The following ST6GALNAC5 variants were observed in gnomAD, a reference collection of about 807,000 sequenced individuals.
The protein encoded by ST6GALNAC5 is ST6 N-acetylgalactosaminide alpha-2,6-sialyltransferase 5.
Under a neutral mutation model 33.6 loss-of-function variants are expected in ST6GALNAC5, and 27 were observed. That is an observed-to-expected ratio of 0.80 (90% CI 0.59 to 1.11). The LOEUF is 1.11. ST6GALNAC5 is among the 50% of genes least tolerant of loss of function. ST6GALNAC5 has a pLI of 0.00. For synonymous variants in ST6GALNAC5, 194 were observed against 171.2 expected, an observed-to-expected ratio of 1.13 and a Z score of -1.04; for missense variants, 428 against 454.0, an observed-to-expected ratio of 0.94 and a Z score of 0.52.
At chr1:77,048,418 C>T (rs199542144) in intron 3 of ST6GALNAC5, among the ~76,000 whole-genome samples, 1 of 152,168 alleles carries the variant, frequency 6.6e-6, no homozygotes, top group East Asian at 1.9e-4. Flanking sequence ...AGTGCATTGT[C>T]GCAGCCCATA....
At chr1:77,036,377 T>C (rs2100453840) in intron 2 of ST6GALNAC5, among the ~76,000 whole-genome samples, 1 of 152,352 alleles carries the variant, frequency 6.6e-6, no homozygotes, top group Non-Finnish European at 1.5e-5. Context: ...AAAAAAATTA[T>C]TTTTAATTCA....
chr1:76,914,178 T>G (rs376999248), intron 2 of ST6GALNAC5, among the ~76,000 whole-genome samples: 1 of 152,044 alleles, frequency 6.6e-6, no homozygotes, highest in Non-Finnish European at 1.5e-5. Context: ...CACTGCTCAA[T>G]GAAATCAAAG....
At chr1:76,892,625 CAA>C (rs1654037954) in intron 2 of ST6GALNAC5, among the ~76,000 whole-genome samples, 2 of 152,142 alleles carry the variant, frequency 1.3e-5, no homozygotes, top group African/African-American at 2.4e-5. Flanking sequence ...GGTGGAAAAA[CAA>C]AAGACTCTTC....
intron 2 of ST6GALNAC5, among the ~76,000 whole-genome samples, chr1:76,976,443 A>G (rs858589): frequency 0.024 from 3,615 of 152,184 alleles, 144 homozygotes; most frequent in African/African-American, 0.083. Flanking sequence ...AAAGAACTTG[A>G]AGATTTCCAT....
At chr1:76,930,054 A>G (rs1570682034) in intron 2 of ST6GALNAC5, among the ~76,000 whole-genome samples, 1 of 152,264 alleles carries the variant, frequency 6.6e-6, no homozygotes, top group African/African-American at 2.4e-5. Context: ...TGTGGCTTGC[A>G]TTATTTTGCT....
At chr1:76,882,946 C>T (rs1172392676) in intron 2 of ST6GALNAC5, among the ~76,000 whole-genome samples, 6 of 152,174 alleles carry the variant, frequency 3.9e-5, no homozygotes, top group Non-Finnish European at 7.3e-5. Flanking sequence ...CTAGGCACCA[C>T]GCACCCAGGC....
intron 2 of ST6GALNAC5, among the ~76,000 whole-genome samples, chr1:76,890,511 C>T (rs763991083): frequency 6.6e-6 from 1 of 150,958 alleles, no homozygotes; most frequent in Admixed American, 6.6e-5. Context: ...CCACTGTCTG[C>T]AATGCCCATT....
intron 3 of ST6GALNAC5, among the ~76,000 whole-genome samples, chr1:77,049,565 G>A (rs1243268921): frequency 2.0e-5 from 3 of 152,010 alleles, no homozygotes; most frequent in African/African-American, 4.8e-5. Flanking sequence ...ATGGTGGGGT[G>A]CACCAGTTCA....
At chr1:76,928,664 T>C (rs1340481831) in intron 2 of ST6GALNAC5, among the ~76,000 whole-genome samples, 3 of 152,116 alleles carry the variant, frequency 2.0e-5, no homozygotes, top group Non-Finnish European at 4.4e-5. Context: ...ATTTTGCAAA[T>C]GGGCATGTCT....
At chr1:76,896,632 G>A (rs1654144929) in intron 2 of ST6GALNAC5, among the ~76,000 whole-genome samples, 1 of 152,088 alleles carries the variant, frequency 6.6e-6, no homozygotes, top group Non-Finnish European at 1.5e-5. Flanking sequence ...GGTCAGGTGT[G>A]GTATCAGGAA....
intron 2 of ST6GALNAC5, among the ~76,000 whole-genome samples, chr1:76,956,942 G>A (rs1648024441): frequency 6.6e-6 from 1 of 152,116 alleles, no homozygotes; most frequent in African/African-American, 2.4e-5. Flanking sequence ...ATTGATTGGT[G>A]TATTTTTCTT....
At chr1:77,052,866 C>T (rs1652269694) in intron 4 of ST6GALNAC5, among the ~76,000 whole-genome samples, 1 of 145,550 alleles carries the variant, frequency 6.9e-6, no homozygotes, top group Non-Finnish European at 1.5e-5. Context: ...TGCAGTGAGC[C>T]GAGATCATTC....
At chr1:76,873,736 G>GC (rs1311893590) in intron 2 of ST6GALNAC5, among the ~76,000 whole-genome samples, 1 of 152,198 alleles carries the variant, frequency 6.6e-6, no homozygotes, top group East Asian at 1.9e-4. Flanking sequence ...TGTTTAATAA[G>GC]CTTCCTTTTT....
At chr1:77,016,583 G>C (rs1650861514) in intron 2 of ST6GALNAC5, among the ~76,000 whole-genome samples, 1 of 151,914 alleles carries the variant, frequency 6.6e-6, no homozygotes, top group East Asian at 2.0e-4. Context: ...AAGTCACTTG[G>C]TGCTAATTAG....
intron 2 of ST6GALNAC5, among the ~76,000 whole-genome samples, chr1:77,006,359 A>C (rs1570087727): frequency 3.3e-5 from 4 of 122,346 alleles, no homozygotes; most frequent in East Asian, 2.3e-4. Flanking sequence ...ACAGAGTCTC[A>C]CTCTGTCACC....
intron 2 of ST6GALNAC5, among the ~76,000 whole-genome samples, chr1:77,008,092 G>C (rs1386883885): frequency 6.6e-6 from 1 of 152,128 alleles, no homozygotes; most frequent in Non-Finnish European, 1.5e-5. Context: ...TGGAAAATTT[G>C]ACTTTTATAA....
At chr1:76,867,736 G>A in intron 1 of ST6GALNAC5, 46 bp downstream of exon 1, 1 of 1,613,970 alleles carries the variant, frequency 6.2e-7, no homozygotes, top group Non-Finnish European at 8.5e-7. Context: ...GGGGATCCCC[G>A]GGCTCAGGGT....
rs114656830 is a variant in ST6GALNAC5 at position 76,963,801 on chromosome 1, C to T, written c.262-80403C>T. Among the ~76,000 whole-genome samples, 664 of 152,272 alleles carry T rather than the reference C, an allele frequency of 4.4e-3. 5 individuals are homozygous for T. The highest frequency in any genetic ancestry group is 0.015 in the African/African-American group (634 of 41,560). On this transcript the variant is annotated intron_variant, in intron 2 of 4. Transcript: ENST00000477717. ...ATTTACCACGACTTACTAAAAGGGA[C>T]TTTGCACATGTGATTAAGGTTAGGG...
chr1:76,979,542 C>T (rs1165656353), intron 2 of ST6GALNAC5, among the ~76,000 whole-genome samples: 1 of 152,122 alleles, frequency 6.6e-6, no homozygotes, highest in Non-Finnish European at 1.5e-5. Context: ...GCAGCCTCTT[C>T]AATAAATGGT....
Sources: gnomAD v4.1 joint callset for allele counts (sites outside exome capture counted in the v4.1 genomes callset) on GRCh38, gnomAD v4.1.1 for gene constraint, MANE v1.5 for transcripts, NCBI Gene and HGNC (gene_info 2026-07-23, HGNC 2026-07-21) for gene names.